Variants in SCLT1 observed in about 807,000 individuals in gnomAD.
SCLT1 encodes sodium channel-associated protein 1.
A neutral mutation model predicts 112.8 loss-of-function variants in SCLT1; 78 were observed. The observed-to-expected ratio is 0.69, with a 90% CI of 0.58 to 0.83. The LOEUF (loss-of-function observed/expected upper bound fraction) is 0.83. Among genes scored for constraint, SCLT1 ranks in the 40% least tolerant of loss-of-function variants. The pLI is 0.00. For missense variants in SCLT1, 747 were observed against 770.4 expected (o/e 0.97, Z 0.36); for synonymous variants, 257 against 254.7 (o/e 1.01, Z -0.09).
chr4:128,922,761 A>T (rs1287469029), intron 18 of SCLT1, among the ~76,000 whole-genome samples: 1 of 152,196 alleles, frequency 6.6e-6, no homozygotes, highest in Non-Finnish European at 1.5e-5. Context: ...TCCCTACACA[A>T]CAAACCTGCT....
chr4:129,075,552 A>G (rs975089175), intron 2 of SCLT1, among the ~76,000 whole-genome samples: 14 of 152,200 alleles, frequency 9.2e-5, no homozygotes, highest in African/African-American at 2.9e-4. Context: ...TCAAGCATAT[A>G]TAACTATTTA....
At chr4:129,046,492 C>T (rs114033998) in intron 2 of SCLT1, among the ~76,000 whole-genome samples, 138 of 152,182 alleles carry the variant, frequency 9.1e-4, no homozygotes, top group African/African-American at 3.0e-3. Context: ...TTCATTCTTA[C>T]TGCTGTGAGT....
At chr4:129,076,568 C>T (rs1244490259) in intron 2 of SCLT1, among the ~76,000 whole-genome samples, 1 of 151,894 alleles carries the variant, frequency 6.6e-6, no homozygotes, top group Non-Finnish European at 1.5e-5. Flanking sequence ...GTCCCTTCAG[C>T]AAGTACCAAG....
chr4:128,967,040 A>G (rs1740260713), intron 10 of SCLT1, among the ~76,000 whole-genome samples: 1 of 152,020 alleles, frequency 6.6e-6, no homozygotes, highest in Non-Finnish European at 1.5e-5. Flanking sequence ...GGGCCAGTGT[A>G]TATCGTTCCC....
intron 16 of SCLT1, 97 bp downstream of exon 16, chr4:128,945,910 T>C (rs1738115179): frequency 2.8e-6 from 2 of 715,816 alleles, no homozygotes; most frequent in Middle Eastern, 2.8e-4. Flanking sequence ...TAAGATATAT[T>C]GTAAGTCCTA....
intron 5 of SCLT1, among the ~76,000 whole-genome samples, chr4:129,030,975 G>A (rs1055059891): frequency 2.6e-5 from 4 of 152,016 alleles, no homozygotes. Context: ...CTCATTTTAT[G>A]AGGCCAGCAT....
intron 18 of SCLT1, among the ~76,000 whole-genome samples, chr4:128,906,371 T>C (rs2125940917): frequency 6.6e-6 from 1 of 152,202 alleles, no homozygotes; most frequent in Middle Eastern, 3.4e-3. Context: ...CTAATTTTTT[T>C]CTATTTTTAG....
At chr4:128,897,237 T>G (rs910230008) in intron 18 of SCLT1, among the ~76,000 whole-genome samples, 14 of 151,974 alleles carry the variant, frequency 9.2e-5, no homozygotes, top group African/African-American at 2.2e-4. Flanking sequence ...TCACCAAAGT[T>G]GAAATGAAGG....
At chr4:129,029,345 C>T (rs1746469946) in intron 5 of SCLT1, among the ~76,000 whole-genome samples, 1 of 151,894 alleles carries the variant, frequency 6.6e-6, no homozygotes, top group African/African-American at 2.4e-5. Context: ...TACTATGCAG[C>T]CATAAAAAAT....
chr4:128,979,186 G>T (rs1295817071), intron 9 of SCLT1, among the ~76,000 whole-genome samples: 1 of 152,166 alleles, frequency 6.6e-6, no homozygotes, highest in Non-Finnish European at 1.5e-5. Flanking sequence ...TGAAGTCCAT[G>T]CAGTTAAACA....
At chr4:129,074,653 G>A (rs1465573124) in intron 2 of SCLT1, among the ~76,000 whole-genome samples, 1 of 152,056 alleles carries the variant, frequency 6.6e-6, no homozygotes, top group African/African-American at 2.4e-5. Context: ...TTAAAGAATT[G>A]TGTATTTCTT....
chr4:128,946,875 C>G (rs1213047092), intron 15 of SCLT1, among the ~76,000 whole-genome samples: 42 of 152,198 alleles, frequency 2.8e-4, no homozygotes, highest in Middle Eastern at 3.2e-3. Flanking sequence ...TGTACCTAAG[C>G]TCAGCTTTCC....
chr4:129,056,335 T>A (rs1273682984), intron 2 of SCLT1, among the ~76,000 whole-genome samples: 1 of 152,088 alleles, frequency 6.6e-6, no homozygotes, highest in Non-Finnish European at 1.5e-5. Context: ...GGCTGTAAAT[T>A]TTGATTCTTT....
At chr4:128,903,724 A>G (rs1734491251) in intron 18 of SCLT1, among the ~76,000 whole-genome samples, 1 of 152,204 alleles carries the variant, frequency 6.6e-6, no homozygotes. Context: ...CACAAACTCT[A>G]TCCCCTGAGA....
intron 9 of SCLT1, chr4:128,971,201 C>T: frequency 6.6e-6 from 1 of 152,162 alleles, no homozygotes; most frequent in East Asian, 1.9e-4. Flanking sequence ...AAAGAACATA[C>T]ATTTTCAAGA....
At chr4:129,085,719 T>C (rs1170560482) in intron 1 of SCLT1, among the ~76,000 whole-genome samples, 1 of 152,176 alleles carries the variant, frequency 6.6e-6, no homozygotes, top group Non-Finnish European at 1.5e-5. Context: ...TGCAGGAACA[T>C]GGATGGAGCT....
chr4:129,073,263 AT>A (rs1213656120), intron 2 of SCLT1, among the ~76,000 whole-genome samples: 1 of 152,060 alleles, frequency 6.6e-6, no homozygotes, highest in Non-Finnish European at 1.5e-5. Flanking sequence ...TTCCTGACTT[AT>A]TCCTGTAGTC....
intron 2 of SCLT1, among the ~76,000 whole-genome samples, chr4:129,046,436 T>G (rs913262662): frequency 6.6e-6 from 1 of 152,174 alleles, no homozygotes; most frequent in South Asian, 2.1e-4. Context: ...CACAGTATAT[T>G]TTCTGTTATG....
At chr4:129,025,363 C>T (rs1481896561) in intron 5 of SCLT1, among the ~76,000 whole-genome samples, 18 of 152,198 alleles carry the variant, frequency 1.2e-4, no homozygotes, top group Admixed American at 9.8e-4. Flanking sequence ...GGCAGAAACG[C>T]TACAAGCCAG....
Sources: gnomAD v4.1 joint callset for allele counts (sites outside exome capture counted in the v4.1 genomes callset) on GRCh38, gnomAD v4.1.1 for gene constraint, MANE v1.5 for transcripts, NCBI Gene and HGNC (gene_info 2026-07-23, HGNC 2026-07-21) for gene names.